The following DENND2C variants were observed in gnomAD, a reference collection of about 807,000 sequenced individuals.
DENND2C encodes the protein DENN domain-containing protein 2C.
A neutral mutation model predicts 112.4 loss-of-function variants in DENND2C; 72 were observed. That is an observed-to-expected ratio of 0.64 (90% confidence interval 0.53 to 0.78). DENND2C has a LOEUF of 0.78. Among genes scored for constraint, DENND2C ranks in the 30% least tolerant of loss-of-function variants. The pLI is 0.00. For missense variants in DENND2C, 992 were observed against 1,113.8 expected (o/e 0.89, Z 1.56); for synonymous variants, 329 against 381.6 (o/e 0.86, Z 1.61).
At chr1:114,629,318 C>T (rs1431278395) in intron 3 of DENND2C, among the ~76,000 whole-genome samples, 2 of 152,194 alleles carry the variant, frequency 1.3e-5, no homozygotes, top group Admixed American at 6.5e-5. Context: ...GCTCTTGTTG[C>T]CCAGGCTGGA....
At chr1:114,619,013 C>T (rs1656083617) in intron 7 of DENND2C, among the ~76,000 whole-genome samples, 1 of 152,112 alleles carries the variant, frequency 6.6e-6, no homozygotes, top group Admixed American at 6.5e-5. Context: ...TTAGGAGAGC[C>T]AAATATACTC....
At position 114,626,199 on chromosome 1, in the gene DENND2C, G is replaced by C. The variant is rs1419126085; in HGVS notation, c.-204-11C>G. On this transcript the variant is annotated splice_polypyrimidine_tract_variant and intron_variant, in intron 3 of 20. Transcript: ENST00000393274. ...TGATCTTGAATAATCCTGTTAAAAT[G>C]ACACAAAAATATGTTAACACATTTT... is the stretch of plus-strand genomic sequence containing the variant. 2 of 479,440 alleles carry C rather than the reference G, an allele frequency of 4.2e-6. No homozygotes were observed. The highest frequency in any genetic ancestry group is 7.3e-6 in the Non-Finnish European group (2 of 275,490). The allele number at this position is 479,440 out of a possible 1,614,324, so 29.7% of individuals were successfully genotyped here.
chr1:114,637,979 T>C (rs1273675124), intron 3 of DENND2C, among the ~76,000 whole-genome samples: 1 of 152,132 alleles, frequency 6.6e-6, no homozygotes, highest in African/African-American at 2.4e-5. Flanking sequence ...GCAAAGAATC[T>C]AGATTAGCCT....
intron 1 of DENND2C, among the ~76,000 whole-genome samples, chr1:114,659,102 T>C (rs1180107239): frequency 6.6e-6 from 1 of 152,218 alleles, no homozygotes; most frequent in Non-Finnish European, 1.5e-5. Flanking sequence ...TTCAGGTTTC[T>C]CTTCAGGAAA....
Position 114,635,080 on chromosome 1 carries a change from C to T in DENND2C, c.-204-8892G>A, listed in dbSNP as rs1010047658. 3.3e-5 allele frequency among the ~76,000 whole-genome samples: 5 copies of T among 150,458 alleles called. No individual in the cohort carries two copies. The East Asian group carries it at 9.7e-4, about 29-fold the overall frequency. On this transcript the variant is annotated intron_variant, in intron 3 of 20. Coordinates refer to ENST00000393274, the MANE Select transcript of DENND2C (RefSeq NM_001256404.2). ...AAAAAAACTGGAACACACTTTACCT[C>T]ATAAAAGTTTCAAATTACTATTTTA...
In DENND2C at chr1:114,602,187, A is replaced by G; in HGVS notation, c.1675T>C (p.Phe559Leu). 1 of 1,613,562 alleles carries G rather than the reference A, an allele frequency of 6.2e-7. No individual in the cohort carries two copies. The highest frequency in any genetic ancestry group is 8.5e-7 in the Non-Finnish European group (1 of 1,179,726). Residue 559 changes from phenylalanine (F) to leucine (L), a missense_variant, in exon 12 of 21, where the codon TTC (phenylalanine) becomes CTC (leucine). Around this residue, in one of 3 missense-constraint regions of DENND2C, gnomAD observed 516 missense variants for 623.6 expected, o/e 0.83. Transcript: ENST00000393274. ...TCTTCACCAGTCAAGACAAAGGAGA[A>G]TGTTTCACTGAAAAAAGAGCCAATA... ...MPTSELKSET[F>L]SFVLTGEDGS... is the part of the protein sequence containing the mutation.
Position 114,645,490 on chromosome 1 carries a change from TG to T in DENND2C, c.-248del, listed in dbSNP as rs1656955770. 1 of 152,226 alleles carries T rather than the reference TG, an allele frequency of 6.6e-6. No individual in the cohort carries two copies. The highest frequency in any genetic ancestry group is 1.5e-5 in the Non-Finnish European group (1 of 68,046). 9.4% of individuals were successfully genotyped at this position (152,226 alleles called of 1,614,324 possible). On this transcript the variant is annotated 5_prime_UTR_variant, in exon 3 of 21. Coordinates refer to ENST00000393274, the MANE Select transcript of DENND2C (RefSeq NM_001256404.2). ...GTTAGATTTCTACAGCCTCCAGACT[TG>T]TGAGAATATCAATCTCTGGCGTTTG...
chr1:114,622,028 A>G lies in DENND2C; in HGVS notation c.1094T>C (p.Met365Thr), dbSNP rs1173898870. The G allele has an allele frequency of 1.3e-6, 2 of 1,549,558 alleles. No homozygotes were observed. Among genetic ancestry groups the G allele is most frequent in the African/African-American group, 1.4e-5 (1 of 72,886 alleles). Reference protein sequence around the residue: ...PKPQFLHRKTMEVKNSQAYLR... With the variant: ...PKPQFLHRKTTEVKNSQAYLR... The stretch of plus-strand genomic sequence containing the variant: ...ATAAGCCTGTGAGTTCTTTACTTCC[A>G]TAGTCTTCCGGTGAAGGAACTGAGG... Residue 365 changes from methionine to threonine, a missense_variant, in exon 7 of 21, where the codon ATG becomes ACG. This residue lies in a region of DENND2C where 470 missense variants were observed against 472.7 expected (regional missense o/e 0.99). Coordinates refer to ENST00000393274, the MANE Select transcript of DENND2C (RefSeq NM_001256404.2).
chr1:114,598,132 T>C (rs1402367244), intron 16 of DENND2C, among the ~76,000 whole-genome samples: 1 of 152,232 alleles, frequency 6.6e-6, no homozygotes, highest in African/African-American at 2.4e-5. Context: ...TCCAAGTATA[T>C]ACCCATTGAA....
chr1:114,615,109 T>C (rs1333126481), intron 8 of DENND2C, among the ~76,000 whole-genome samples: 1 of 152,208 alleles, frequency 6.6e-6, no homozygotes, highest in Non-Finnish European at 1.5e-5. Flanking sequence ...GGCCCCAGTA[T>C]ATGATAATTT....
chr1:114,655,236 T>C (rs1354206894), intron 1 of DENND2C, among the ~76,000 whole-genome samples: 2 of 152,214 alleles, frequency 1.3e-5, no homozygotes, highest in Admixed American at 6.5e-5. Flanking sequence ...AAGCTGTCTA[T>C]ATACCTTTCA....
intron 1 of DENND2C, among the ~76,000 whole-genome samples, chr1:114,668,244 A>G (rs1206761692): frequency 1.3e-5 from 2 of 152,178 alleles, no homozygotes; most frequent in Admixed American, 6.5e-5. Flanking sequence ...AGTAGCTTCA[A>G]AAGACCCATC....
At chr1:114,667,568 C>CA (rs1252768382) in intron 1 of DENND2C, among the ~76,000 whole-genome samples, 6 of 151,852 alleles carry the variant, frequency 4.0e-5, no homozygotes, top group Admixed American at 2.6e-4. Context: ...GCAACAATAA[C>CA]AAAAAAAGGG....
chr1:114,637,616 AAGCAATTCTTGTGCTTCAGC>A (rs1357482253), intron 3 of DENND2C, among the ~76,000 whole-genome samples: 5 of 151,794 alleles, frequency 3.3e-5, no homozygotes, highest in Non-Finnish European at 7.4e-5. Context: ...TCTCGGGTTC[AAGCAATTCTTGTGCTTCAGC>A]CTCCCAAGAC....
intron 1 of DENND2C, among the ~76,000 whole-genome samples, chr1:114,665,502 T>A (rs140286763): frequency 7.9e-5 from 12 of 152,200 alleles, no homozygotes; most frequent in African/African-American, 2.9e-4. Flanking sequence ...CAAAGCAGTA[T>A]GTGCTCAGTA....
intron 17 of DENND2C, 52 bp from the exon 18 acceptor site, chr1:114,594,630 T>A (rs1357337455): frequency 2.1e-6 from 3 of 1,462,904 alleles, no homozygotes; most frequent in Non-Finnish European, 1.9e-6. Flanking sequence ...TTTGAGGGAT[T>A]AAGTCTCAAA....
intron 3 of DENND2C, among the ~76,000 whole-genome samples, chr1:114,630,823 G>A (rs1656470120): frequency 6.6e-6 from 1 of 152,172 alleles, no homozygotes; most frequent in African/African-American, 2.4e-5. Context: ...AGATTTTTAA[G>A]CTAACCCAGG....
chr1:114,634,240 T>C (rs1267105192), intron 3 of DENND2C, among the ~76,000 whole-genome samples: 1 of 152,238 alleles, frequency 6.6e-6, no homozygotes, highest in Non-Finnish European at 1.5e-5. Flanking sequence ...TCAGTAAATA[T>C]ATAAAAGATT....
At chr1:114,644,425 G>T (rs537407242) in intron 3 of DENND2C, among the ~76,000 whole-genome samples, 10 of 152,206 alleles carry the variant, frequency 6.6e-5, no homozygotes, top group African/African-American at 1.7e-4. Flanking sequence ...TTTGTTGAAT[G>T]AATGACAAAA....
Sources: gnomAD v4.1 joint callset for allele counts (sites outside exome capture counted in the v4.1 genomes callset) on GRCh38, gnomAD v4.1.1 for gene constraint, gnomAD v4.1.1 regional missense constraint, MANE v1.5 for transcripts, NCBI Gene and HGNC (gene_info 2026-07-23, HGNC 2026-07-21) for gene names.